The following SCP2 variants were observed in gnomAD, a reference collection of about 807,000 sequenced individuals.
SCP2 encodes the protein SCP-2/3-oxoacyl-CoA thiolase.
SCP2 carries 48 observed loss-of-function variants against 71.4 expected under a neutral mutation model. That is an observed-to-expected ratio of 0.67 (90% confidence interval 0.53 to 0.86). The LOEUF (loss-of-function observed/expected upper bound fraction) is 0.86, where lower values mean the gene tolerates loss of function less well. Among genes scored for constraint, SCP2 ranks in the 40% least tolerant of loss-of-function variants. The pLI, the probability that SCP2 is intolerant of heterozygous loss-of-function variation, is 0.00. For missense variants in SCP2, 560 were observed against 655.6 expected (o/e 0.85, Z 1.59); for synonymous variants, 220 against 218.1 (o/e 1.01, Z -0.08).
chr1:52,938,217 A>G (rs1327429984), intron 1 of SCP2, among the ~76,000 whole-genome samples: 4 of 152,182 alleles, frequency 2.6e-5, no homozygotes, highest in African/African-American at 9.6e-5. Flanking sequence ...GGCTCAGGAG[A>G]CAAGTCCTGT....
At chr1:53,035,963 T>C (rs1662901715) in intron 13 of SCP2, among the ~76,000 whole-genome samples, 1 of 138,626 alleles carries the variant, frequency 7.2e-6, no homozygotes, top group Non-Finnish European at 1.5e-5. Flanking sequence ...GAGCTTGCAG[T>C]GAGCCGAGAT....
rs181471128 is a variant in SCP2, at chr1:53,044,219, G to A, written c.1469-3639G>A. Among the ~76,000 whole-genome samples, 543 of 152,054 alleles carry A rather than the reference G, an allele frequency of 3.6e-3. 7 individuals carry two copies. The highest frequency in any genetic ancestry group is 0.012 in the African/African-American group (518 of 41,482). Reference sequence around the variant, plus strand: ...ATTACAGGCACCTGCCACCATGCTCGGCTAATTTTTGTATTTTTAGTAGAG... The same window carrying A: ...ATTACAGGCACCTGCCACCATGCTCAGCTAATTTTTGTATTTTTAGTAGAG... On this transcript the variant is annotated intron_variant, in intron 14 of 15. Coordinates refer to ENST00000371514, the MANE Select transcript of SCP2 (RefSeq NM_002979.5).
chr1:53,021,159 G>A (rs1266596006), intron 12 of SCP2, among the ~76,000 whole-genome samples: 1 of 151,694 alleles, frequency 6.6e-6, no homozygotes, highest in East Asian at 1.9e-4. Flanking sequence ...GGCACACACC[G>A]TCATGCCCAG....
chr1:52,948,218 G>GA (rs962510061), intron 3 of SCP2, 138 bp downstream of exon 3: 39 of 677,192 alleles, frequency 5.8e-5, no homozygotes, highest in African/African-American at 4.9e-4. Flanking sequence ...GAAGAAAAAA[G>GA]AAAAAAATCT....
chr1:52,942,870 T>C (rs1277477821), intron 2 of SCP2, among the ~76,000 whole-genome samples: 1 of 151,830 alleles, frequency 6.6e-6, no homozygotes, highest in Non-Finnish European at 1.5e-5. Context: ...AGGCTAATTT[T>C]TTTGTATTTT....
At chr1:53,021,890 C>T (rs1295687512) in intron 12 of SCP2, among the ~76,000 whole-genome samples, 2 of 152,092 alleles carry the variant, frequency 1.3e-5, no homozygotes, top group African/African-American at 4.8e-5. Context: ...TGTGATCCAC[C>T]TGCCTTGGAC....
chr1:52,992,270 G>A (rs4926940), intron 11 of SCP2, among the ~76,000 whole-genome samples: 46,164 of 150,796 alleles, frequency 0.31, 11,732 homozygotes, highest in African/African-American at 0.69. Flanking sequence ...CTATGAAAGC[G>A]TATCTGCTTA....
At chr1:53,034,448 G>T (rs1439773139) in intron 13 of SCP2, among the ~76,000 whole-genome samples, 1 of 152,168 alleles carries the variant, frequency 6.6e-6, no homozygotes, top group African/African-American at 2.4e-5. Flanking sequence ...CGGGGACTGA[G>T]GGGTGGAGGA....
intron 6 of SCP2, among the ~76,000 whole-genome samples, chr1:52,974,192 T>TA (rs958698084): frequency 7.9e-5 from 12 of 151,950 alleles, no homozygotes; most frequent in South Asian, 2.1e-4. Flanking sequence ...TTAAAAGTAG[T>TA]AAAAAAAAAT....
intron 12 of SCP2, among the ~76,000 whole-genome samples, chr1:53,015,941 A>G (rs961213806): frequency 3.3e-5 from 5 of 152,220 alleles, no homozygotes; most frequent in Admixed American, 6.5e-5. Context: ...AGCTTTTGAC[A>G]TTAATTGGCT....
At chr1:53,021,470 C>T (rs1373542236) in intron 12 of SCP2, among the ~76,000 whole-genome samples, 1 of 151,642 alleles carries the variant, frequency 6.6e-6, no homozygotes, top group African/African-American at 2.4e-5. Flanking sequence ...GCACGCACCA[C>T]CAGGCCTAGC....
At chr1:53,017,316 G>A (rs553757107) in intron 12 of SCP2, among the ~76,000 whole-genome samples, 55 of 152,172 alleles carry the variant, frequency 3.6e-4, no homozygotes, top group Non-Finnish European at 7.1e-4. Flanking sequence ...ATATAAAATA[G>A]TTTTATTGCC....
Position 53,014,910 on chromosome 1 carries a change from C to G in SCP2, c.1102C>G (p.Leu368Val), listed in dbSNP as rs1557609350. ...GATGLAQCAE[L>V]CWQLRGEAGK... ...GTTAGGTCTTGCTCAGTGTGCAGAA[C>G]TCTGCTGGCAGCTGAGAGGGGAAGC... Residue 368 changes from leucine (L) to valine (V), a missense_variant, in exon 12 of 16, where the codon CTC becomes GTC. By Grantham distance (32) the Leu-to-Val change is conservative (BLOSUM62 1). Coordinates refer to ENST00000371514, the MANE Select transcript of SCP2 (RefSeq NM_002979.5). 2 of 1,613,420 alleles carry G rather than the reference C, an allele frequency of 1.2e-6. No homozygotes were observed. The highest frequency in any genetic ancestry group is 1.8e-4 in the Middle Eastern group (1 of 5,554).
intron 12 of SCP2, among the ~76,000 whole-genome samples, chr1:53,016,709 T>C (rs774491807): frequency 3.9e-5 from 6 of 152,168 alleles, no homozygotes; most frequent in Admixed American, 1.3e-4. Flanking sequence ...AGTAGATTAT[T>C]TTGTGTGTGC....
At chr1:52,978,439 C>A in intron 9 of SCP2, 72 bp downstream of exon 9, 1 of 1,204,308 alleles carries the variant, frequency 8.3e-7, no homozygotes, top group South Asian at 1.3e-5. Context: ...TGGAGCCATG[C>A]ATTATTATAT....
At chr1:53,014,787 G>T (rs768418271) in intron 11 of SCP2, 103 bp from the exon 12 acceptor site, 34 of 1,292,092 alleles carry the variant, frequency 2.6e-5, no homozygotes, top group Non-Finnish European at 3.5e-5. Flanking sequence ...CACAAACGTG[G>T]CCTCGGCTTA....
intron 6 of SCP2, among the ~76,000 whole-genome samples, chr1:52,970,442 CCATACAAATGTCCTCTTA>C (rs1425298042): frequency 2.0e-5 from 3 of 152,258 alleles, no homozygotes; most frequent in East Asian, 1.9e-4. Flanking sequence ...CTCAATTGCA[CCATACAAATGTCCTCTTA>C]CATACAAATG....
intron 11 of SCP2, among the ~76,000 whole-genome samples, chr1:52,991,395 T>C (rs1207697408): frequency 7.0e-6 from 1 of 143,540 alleles, no homozygotes; most frequent in Non-Finnish European, 1.5e-5. Context: ...TGTTTTTTTT[T>C]TCTTTTTTCT....
intron 14 of SCP2, among the ~76,000 whole-genome samples, chr1:53,046,185 T>C (rs1296011474): frequency 1.3e-5 from 2 of 152,200 alleles, no homozygotes; most frequent in Admixed American, 1.3e-4. Flanking sequence ...AGGAATAGGA[T>C]TGCTAGTTCA....
Sources: allele counts gnomAD v4.1 joint callset (sites outside exome capture counted in the v4.1 genomes callset), GRCh38; gene constraint gnomAD v4.1.1; transcripts MANE v1.5; gene names NCBI Gene and HGNC (gene_info 2026-07-23, HGNC 2026-07-21).